Variants in RIC1 observed in about 807,000 individuals in gnomAD.
RIC1 encodes the protein guanine nucleotide exchange factor subunit RIC1.
RIC1 carries 88 observed loss-of-function variants against 169.0 expected under a neutral mutation model. The observed-to-expected ratio is 0.52, with a 90% CI of 0.44 to 0.62. The LOEUF is 0.62. Ranked by LOEUF, RIC1 falls within the 20% of genes least tolerant of loss-of-function variation. The pLI is 0.00. For synonymous variants in RIC1, 790 were observed against 601.5 expected (o/e 1.31, Z -4.59); for missense variants, 1,877 against 1,725.5 (o/e 1.09, Z -1.56).
At chr9:5,649,528 G>A (rs1400797471) in intron 1 of RIC1, among the ~76,000 whole-genome samples, 1 of 151,910 alleles carries the variant, frequency 6.6e-6, no homozygotes, top group African/African-American at 2.4e-5. Flanking sequence ...TTTCTGTTTG[G>A]TTCCTTTTTT....
chr9:5,668,234 A>G (rs530849770), intron 2 of RIC1, among the ~76,000 whole-genome samples: 7 of 133,266 alleles, frequency 5.3e-5, no homozygotes, highest in African/African-American at 1.6e-4. Context: ...GGTCCCTCCC[A>G]TGACACAGGG....
At chr9:5,723,492 T>C (rs1476077298) in intron 6 of RIC1, among the ~76,000 whole-genome samples, 5 of 152,124 alleles carry the variant, frequency 3.3e-5, no homozygotes, top group Non-Finnish European at 4.4e-5. Flanking sequence ...TAAAAATTTT[T>C]TCCCATTCTG....
chr9:5,667,402 T>C (rs1170956855), intron 2 of RIC1, among the ~76,000 whole-genome samples: 1 of 152,220 alleles, frequency 6.6e-6, no homozygotes, highest in East Asian at 1.9e-4. Flanking sequence ...ACTTTTATTA[T>C]TTCCTTTCTT....
At chr9:5,698,119 T>C (rs1194639937) in intron 3 of RIC1, among the ~76,000 whole-genome samples, 1 of 152,238 alleles carries the variant, frequency 6.6e-6, no homozygotes, top group Non-Finnish European at 1.5e-5. Context: ...TTCTTTTCTT[T>C]AGCTGGCACT....
At chr9:5,728,479 C>T (rs1228614341) in intron 6 of RIC1, among the ~76,000 whole-genome samples, 1 of 152,246 alleles carries the variant, frequency 6.6e-6, no homozygotes, top group Non-Finnish European at 1.5e-5. Flanking sequence ...TTCCCCGACC[C>T]CTTGCACTTC....
At chr9:5,657,669 C>T (rs1223446480) in intron 2 of RIC1, among the ~76,000 whole-genome samples, 3 of 152,048 alleles carry the variant, frequency 2.0e-5, no homozygotes, top group African/African-American at 2.4e-5. Context: ...CTGTATATAA[C>T]ACTGACTAGG....
At chr9:5,750,622 A>G (rs1233596372) in intron 12 of RIC1, among the ~76,000 whole-genome samples, 7 of 151,864 alleles carry the variant, frequency 4.6e-5, no homozygotes, top group African/African-American at 1.5e-4. Flanking sequence ...TTTAAAAATC[A>G]TAATAACAAA....
intron 17 of RIC1, 134 bp from the exon 18 acceptor site, chr9:5,762,407 A>G (rs148034137): frequency 5.6e-6 from 6 of 1,074,644 alleles, no homozygotes; most frequent in Non-Finnish European, 6.6e-6. Context: ...AGAGCCTAGC[A>G]GAATGGCTGT....
At position 5,763,270 on chromosome 9, in the gene RIC1, T is replaced by C. The variant is rs1301759689; in HGVS notation, c.2243T>C (p.Val748Ala). Residue 748 changes from valine (V) to alanine (A), a missense_variant, in exon 19 of 26, where the codon GTT (valine) becomes GCT (alanine). Val to Ala is a moderately conservative substitution (Grantham distance 64). This residue lies in a region of RIC1 where 1,104 missense variants were observed against 992.0 expected (regional missense o/e 1.11). Transcript: ENST00000414202. This position sits in a 1 kb window ranked among gnomAD's most constrained non-coding sequence, Gnocchi z 5.2. ...WLSCGGAGMK[V>A]WLPLFPRDHR... ...AGCTGTGGTGGTGCAGGGATGAAAG[T>C]TTGGCTCCCTCTCTTCCCTAGGGAT... 1 of 1,614,138 alleles carries C rather than the reference T, an allele frequency of 6.2e-7. No homozygotes were observed. Among genetic ancestry groups the C allele is most frequent in the Non-Finnish European group, 8.5e-7 (1 of 1,180,014 alleles).
chr9:5,703,829 T>C (rs1471077008), intron 3 of RIC1, among the ~76,000 whole-genome samples: 2 of 152,250 alleles, frequency 1.3e-5, no homozygotes, highest in Non-Finnish European at 2.9e-5. Context: ...AGTCCTGCTA[T>C]GACTAGGAGT....
intron 2 of RIC1, among the ~76,000 whole-genome samples, chr9:5,686,988 T>C (rs962692509): frequency 3.9e-5 from 6 of 152,178 alleles, no homozygotes; most frequent in Admixed American, 6.5e-5. Flanking sequence ...ATTTTCTTTG[T>C]GGAAAGGATT....
At chr9:5,731,845 G>T (rs1824386512) in intron 6 of RIC1, among the ~76,000 whole-genome samples, 1 of 152,118 alleles carries the variant, frequency 6.6e-6, no homozygotes, top group Non-Finnish European at 1.5e-5. Context: ...CTTATTTTGA[G>T]GAGTGAAAGC....
At chr9:5,647,093 A>G (rs757646082) in intron 1 of RIC1, among the ~76,000 whole-genome samples, 1 of 152,096 alleles carries the variant, frequency 6.6e-6, no homozygotes, top group East Asian at 1.9e-4. Flanking sequence ...TGAATGGTCT[A>G]GGTAGCCTTG....
intron 17 of RIC1, among the ~76,000 whole-genome samples, chr9:5,758,558 C>T (rs1402755231): frequency 6.6e-6 from 1 of 152,118 alleles, no homozygotes; most frequent in Non-Finnish European, 1.5e-5. Flanking sequence ...AGTCCCTCTT[C>T]CACATGATGA....
intron 2 of RIC1, among the ~76,000 whole-genome samples, chr9:5,684,153 G>T (rs377480637): frequency 1.3e-5 from 2 of 151,576 alleles, no homozygotes; most frequent in African/African-American, 2.4e-5. Flanking sequence ...CCCACTGTCC[G>T]GCACACCCCG....
At chr9:5,732,515 T>C in intron 7 of RIC1, 36 bp downstream of exon 7, 2 of 1,438,248 alleles carry the variant, frequency 1.4e-6, no homozygotes, top group African/African-American at 1.5e-5. Flanking sequence ...TTTTAAGAGT[T>C]GTTGCAAAAA....
Position 5,774,208 on chromosome 9 carries a change from C to A in RIC1, c.4234C>A (p.Pro1412Thr). 1 of 1,613,308 alleles carries A rather than the reference C, an allele frequency of 6.2e-7. No homozygotes were observed. Among genetic ancestry groups the A allele is most frequent in the Non-Finnish European group, 8.5e-7 (1 of 1,179,622 alleles). Residue 1412 changes from proline to threonine, a missense_variant, in exon 26 of 26, where the codon CCT becomes ACT. This residue lies in a region of RIC1 where 681 missense variants were observed against 582.0 expected (regional missense o/e 1.17). Coordinates refer to ENST00000414202, the MANE Select transcript of RIC1 (RefSeq NM_020829.4). ...CACAGCCCAAGCAGAGGAGGAAGAACCTTTTCAGGATGGGACTTACGACTG... is the reference window on the plus strand; with the variant it reads ...CACAGCCCAAGCAGAGGAGGAAGAAACTTTTCAGGATGGGACTTACGACTG... ...EDTAQAEEEEPFQDGTYDCSV... is the reference protein window; with the variant it reads ...EDTAQAEEEETFQDGTYDCSV...
intron 21 of RIC1, among the ~76,000 whole-genome samples, chr9:5,767,214 T>C (rs577414213): frequency 6.6e-6 from 1 of 152,344 alleles, no homozygotes; most frequent in African/African-American, 2.4e-5. Flanking sequence ...TTAGTGCTAA[T>C]GCATTTGACA....
At chr9:5,770,009 A>G (rs1236919509) in intron 22 of RIC1, 78 bp from the exon 23 acceptor site, 10 of 1,316,810 alleles carry the variant, frequency 7.6e-6, no homozygotes, top group Non-Finnish European at 1.0e-5. Flanking sequence ...GGGGAAGCTA[A>G]AAGAGCTGAA....
Sources: gnomAD v4.1 joint callset for allele counts (sites outside exome capture counted in the v4.1 genomes callset) on GRCh38, gnomAD v4.1.1 for gene constraint, gnomAD v4.1.1 regional missense constraint, Gnocchi (gnomAD v3.1) non-coding constraint, MANE v1.5 for transcripts, NCBI Gene and HGNC (gene_info 2026-07-23, HGNC 2026-07-21) for gene names.